OR10X1: variants seen among roughly 807,000 people sequenced by gnomAD.
The protein encoded by OR10X1 is olfactory receptor 10X1.
For synonymous variants in OR10X1, 179 were observed against 142.6 expected (o/e 1.26, Z -1.82); for missense variants, 449 against 387.0 (o/e 1.16, Z -1.34).
Position 158,578,920 on chromosome 1 carries a change from T to C in OR10X1, c.980A>G (p.Ter327=). Residue 327 remains the stop codon, a stop_retained_variant, in exon 1 of 1, where the codon TAA becomes TGA. Coordinates refer to ENST00000623167, the MANE Select transcript of OR10X1 (RefSeq NM_001004477.1). Reference sequence around the variant, plus strand: ...CAAACAAGCAGCAACAACCCAAGATTATTTTTTCAAGGCAACTGTGTTTCC... The same window carrying C: ...CAAACAAGCAGCAACAACCCAAGATCATTTTTTCAAGGCAACTGTGTTTCC... ...MMGNTVALKK[*] The C allele has an allele frequency of 1.3e-6, 2 of 1,576,528 alleles. No homozygotes were observed. Among genetic ancestry groups the C allele is most frequent in the Non-Finnish European group, 1.7e-6 (2 of 1,164,904 alleles).
chr1:158,578,945 C>T lies in OR10X1; in HGVS notation c.955G>A (p.Gly319Arg). Reference protein sequence around the residue: ...DMKNAFRRMMGNTVALKK With the variant: ...DMKNAFRRMMRNTVALKK The stretch of plus-strand genomic sequence containing the variant: ...TATTTTTTCAAGGCAACTGTGTTTC[C>T]CATCATTCTTCTAAAAGCATTTTTC... The change falls in exon 1 of 1, where the codon GGA (glycine) becomes AGA (arginine). Residue 319 changes from glycine (G) to arginine (R), a missense_variant. By Grantham distance (125) the Gly-to-Arg change is moderately radical (BLOSUM62 -2). Coordinates refer to ENST00000623167, the MANE Select transcript of OR10X1 (RefSeq NM_001004477.1). The T allele has an allele frequency of 6.3e-7, 1 of 1,596,258 alleles. No individual in the cohort carries two copies. The highest frequency in any genetic ancestry group is 8.5e-7 in the Non-Finnish European group (1 of 1,173,958).
chr1:158,578,921 A>G lies in OR10X1; in HGVS notation c.979T>C (p.Ter327GlnextTer?), dbSNP rs1238930133. Reference protein sequence around the residue: ...MMGNTVALKK* With the variant: ...MMGNTVALKKQ ...AAACAAGCAGCAACAACCCAAGATT[A>G]TTTTTTCAAGGCAACTGTGTTTCCC... The change falls in exon 1 of 1, where the codon TAA becomes CAA. Residue 327 changes from the stop codon to glutamine, a stop_lost. Coordinates refer to ENST00000623167, the MANE Select transcript of OR10X1 (RefSeq NM_001004477.1). 2 of 1,576,554 alleles carry G rather than the reference A, an allele frequency of 1.3e-6. No individual in the cohort carries two copies. Among genetic ancestry groups the G allele is most frequent in the African/African-American group, 1.4e-5 (1 of 73,170 alleles).
chr1:158,579,775 A>G lies in OR10X1; in HGVS notation c.125T>C (p.Phe42Ser). ...GFSVYPHVQT[F>S]LFVVFFCLYL... ...GAGACAAAAGAAGACCACAAAAAGA[A>G]ATGTCTGTACATGTGGGTACACAGA... The change falls in exon 1 of 1, where the codon TTT becomes TCT. Residue 42 changes from phenylalanine (F) to serine (S), a missense_variant. Phe to Ser is a radical substitution (Grantham distance 155). Coordinates refer to ENST00000623167, the MANE Select transcript of OR10X1 (RefSeq NM_001004477.1). 1.2e-6 allele frequency: 2 copies of G among 1,614,128 alleles called. No homozygotes were observed. The highest frequency in any genetic ancestry group is 1.7e-6 in the Non-Finnish European group (2 of 1,179,990).
chr1:158,579,428 C>G lies in OR10X1; in HGVS notation c.472G>C (p.Gly158Arg). The change falls in exon 1 of 1, where the codon GGA (glycine) becomes CGA (arginine). Residue 158 changes from glycine (G) to arginine (R), a missense_variant. Physicochemically the swap from Gly to Arg is moderately radical, Grantham distance 125. Coordinates refer to ENST00000623167, the MANE Select transcript of OR10X1 (RefSeq NM_001004477.1). ...GTGCAAGCAGAGGCCACAAGTTGTC[C>G]ACATACAATGTTGGTCATAAGCAGT... Reference protein sequence around the residue: ...YPLLMTNIVCGQLVASACTAG... With the variant: ...YPLLMTNIVCRQLVASACTAG... 6.2e-7 allele frequency: 1 copy of G among 1,613,932 alleles called. No individual in the cohort carries two copies.
chr1:158,579,738 G>T lies in OR10X1; in HGVS notation c.162C>A (p.Thr54=). 4 of 1,613,928 alleles carry T rather than the reference G, an allele frequency of 2.5e-6. No individual in the cohort carries two copies. The highest frequency in any genetic ancestry group is 1.1e-5 in the South Asian group (1 of 91,056). The stretch of plus-strand genomic sequence containing the variant: ...CCATGATGATCAGATTACCTGCAAG[G>T]GTGAGAAGGTAGAGACAAAAGAAGA... The part of the protein sequence containing the change: ...FVVFFCLYLL[T]LAGNLIIMGL... Residue 54 remains threonine, a synonymous_variant, in exon 1 of 1, where the codon ACC becomes ACA. Coordinates refer to ENST00000623167, the MANE Select transcript of OR10X1 (RefSeq NM_001004477.1).
chr1:158,579,269 T>G lies in OR10X1; in HGVS notation c.631A>C (p.Thr211Pro). The G allele has an allele frequency of 6.2e-7, 1 of 1,613,816 alleles. No individual in the cohort carries two copies. Among genetic ancestry groups the G allele is most frequent in the Non-Finnish European group, 8.5e-7 (1 of 1,179,962 alleles). Residue 211 changes from threonine to proline, a missense_variant, in exon 1 of 1, where the codon ACA (threonine) becomes CCA (proline). Physicochemically the swap from Thr to Pro is conservative, Grantham distance 38 (BLOSUM62 -1). Transcript: ENST00000623167. The part of the protein sequence containing the change: ...IRLSCIDSNH[T>P]EFIITLISVS... Reference sequence around the variant, plus strand: ...GAGATCAGTGTTATAATGAATTCTGTGTGGTTACTGTCTATACAAGACAGC... The same window carrying G: ...GAGATCAGTGTTATAATGAATTCTGGGTGGTTACTGTCTATACAAGACAGC...
rs1398194545 is a variant in OR10X1 at position 158,579,456 on chromosome 1, A to G, written c.444T>C (p.Tyr148=). The part of the protein sequence containing the change: ...RFLAICNPLR[Y]PLLMTNIVCG... ...ATACAATGTTGGTCATAAGCAGTGG[A>G]TATCTTAGAGGGTTACAGATGGCCA... is the stretch of plus-strand genomic sequence containing the variant. Residue 148 remains tyrosine, a synonymous_variant, in exon 1 of 1, where the codon TAT becomes TAC. Transcript: ENST00000623167. 2 of 1,614,058 alleles carry G rather than the reference A, an allele frequency of 1.2e-6. No homozygotes were observed. The highest frequency in any genetic ancestry group is 1.1e-5 in the South Asian group (1 of 91,078).
Position 158,579,660 on chromosome 1 carries a change from A to C in OR10X1, c.240T>G (p.Ser80Arg), listed in dbSNP as rs771974190. 1 of 1,614,062 alleles carries C rather than the reference A, an allele frequency of 6.2e-7. No homozygotes were observed. The highest frequency in any genetic ancestry group is 2.2e-5 in the East Asian group (1 of 44,852). Residue 80 changes from serine (S) to arginine (R), a missense_variant, in exon 1 of 1, where the codon AGT becomes AGG. Coordinates refer to ENST00000623167, the MANE Select transcript of OR10X1 (RefSeq NM_001004477.1). ...SLHTPMYLFL[S>R]ALSFSETCYT... Reference sequence around the variant, plus strand: ...AGCAGGTCTCAGAGAAGGAGAGTGCACTAAGGAAGAGATACATAGGGGTGT... The same window carrying C: ...AGCAGGTCTCAGAGAAGGAGAGTGCCCTAAGGAAGAGATACATAGGGGTGT...
Position 158,579,099 on chromosome 1 carries a change from G to A in OR10X1, c.801C>T (p.His267=), listed in dbSNP as rs1648412818. 1 of 1,614,048 alleles carries A rather than the reference G, an allele frequency of 6.2e-7. No individual in the cohort carries two copies. The highest frequency in any genetic ancestry group is 8.5e-7 in the Non-Finnish European group (1 of 1,180,022). ...CASHLTVVII[H]FGFASIVYLK... ...AATAAACAATAGATGCAAAACCAAA[G>A]TGGATTATAACCACGGTGAGGTGGG... is the stretch of plus-strand genomic sequence containing the variant. The change falls in exon 1 of 1, where the codon CAC becomes CAT. Residue 267 remains histidine (H), a synonymous_variant. Coordinates refer to ENST00000623167, the MANE Select transcript of OR10X1 (RefSeq NM_001004477.1).
Position 158,579,545 on chromosome 1 carries a change from A to G in OR10X1, c.355T>C (p.Phe119Leu), listed in dbSNP as rs1553218491. Residue 119 changes from phenylalanine to leucine, a missense_variant, in exon 1 of 1, where the codon TTC becomes CTC. By Grantham distance (22) the Phe-to-Leu change is conservative. Transcript: ENST00000623167. ...TTTGTGCCACCAAGTCCCAAGAAGA[A>G]GCACATCTGTAAGCTACAACCTGTG... ...SVTGCSLQMC[F>L]FLGLGGTNCI... 1 of 1,614,110 alleles carries G rather than the reference A, an allele frequency of 6.2e-7. No individual in the cohort carries two copies. Among genetic ancestry groups the G allele is most frequent in the Non-Finnish European group, 8.5e-7 (1 of 1,180,006 alleles).
Position 158,579,703 on chromosome 1 carries a change from CAAG to C in OR10X1, c.194_196del (p.Thr65_Trp66delinsArg). On this transcript the variant is annotated inframe_deletion, in exon 1 of 1. Transcript: ENST00000623167. ...AGGGGTGTGGAGGGACCTGTCCACC[CAAG>C]TTAGACCCATGATGATCAGATTACC... The C allele has an allele frequency of 6.2e-7, 1 of 1,613,826 alleles. No individual in the cohort carries two copies.
At position 158,579,409 on chromosome 1, in the gene OR10X1, G is replaced by C. The variant is rs764783469; in HGVS notation, c.491C>G (p.Ala164Gly). 1.2e-6 allele frequency: 2 copies of C among 1,614,016 alleles called. No homozygotes were observed. Among genetic ancestry groups the C allele is most frequent in the Non-Finnish European group, 1.7e-6 (2 of 1,179,978 alleles). ...NIVCGQLVAS[A>G]CTAGFFISLT... ...AGAGATAAAGAAGCCTGCAGTGCAA[G>C]CAGAGGCCACAAGTTGTCCACATAC... The change falls in exon 1 of 1, where the codon GCT becomes GGT. Residue 164 changes from alanine (A) to glycine (G), a missense_variant. By Grantham distance (60) the Ala-to-Gly change is moderately conservative. Transcript: ENST00000623167.
At position 158,579,130 on chromosome 1, in the gene OR10X1, C is replaced by G. The variant is rs1648413802; in HGVS notation, c.770G>C (p.Cys257Ser). Residue 257 changes from cysteine (C) to serine (S), a missense_variant, in exon 1 of 1, where the codon TGT (cysteine) becomes TCT (serine). Physicochemically the swap from Cys to Ser is moderately radical, Grantham distance 112. Coordinates refer to ENST00000623167, the MANE Select transcript of OR10X1 (RefSeq NM_001004477.1). ...AEGKQKAFTT[C>S]ASHLTVVIIH... ...TATAACCACGGTGAGGTGGGAGGCA[C>G]AGGTGGTGAAGGCCTTCTGCTTGCC... The G allele has an allele frequency of 2.5e-6, 4 of 1,613,716 alleles. No homozygotes were observed. In the Admixed American group the frequency reaches 5.0e-5, roughly 20 times the overall value.
chr1:158,579,034 A>G lies in OR10X1; in HGVS notation c.866T>C (p.Val289Ala), dbSNP rs201832307. The G allele has an allele frequency of 1.4e-5, 22 of 1,614,038 alleles. No individual in the cohort carries two copies. Among genetic ancestry groups the G allele is most frequent in the Non-Finnish European group, 1.7e-5 (20 of 1,180,000 alleles). Residue 289 changes from valine (V) to alanine (A), a missense_variant, in exon 1 of 1, where the codon GTC becomes GCC. Val to Ala is a moderately conservative substitution (Grantham distance 64, BLOSUM62 0). Coordinates refer to ENST00000623167, the MANE Select transcript of OR10X1 (RefSeq NM_001004477.1). ...EASGDDTLIA[V>A]PYTVITPFLS... ...GAAGGGGGTAATGACAGTATAAGGG[A>G]CTGCTATGAGTGTGTCATCTCCTGA... is the stretch of plus-strand genomic sequence containing the variant.
In OR10X1 at chr1:158,579,507, G is replaced by A; in HGVS notation, c.393C>T (p.Leu131=). ...LGLGGTNCII[L]TLMGYDRFLA... ...GGAAGCGGTCATATCCCATCAAAGT[G>A]AGAATGATACAGTTTGTGCCACCAA... Residue 131 remains leucine, a synonymous_variant, in exon 1 of 1, where the codon CTC becomes CTT. Transcript: ENST00000623167. 2 of 1,614,080 alleles carry A rather than the reference G, an allele frequency of 1.2e-6. No individual in the cohort carries two copies. The highest frequency in any genetic ancestry group is 1.7e-6 in the Non-Finnish European group (2 of 1,179,998).
In OR10X1 at chr1:158,579,536, C is replaced by G. The variant is rs1206781071; in HGVS notation, c.364G>C (p.Gly122Arg). The change falls in exon 1 of 1, where the codon GGA becomes CGA. Residue 122 changes from glycine (G) to arginine (R), a missense_variant. By Grantham distance (125) the Gly-to-Arg change is moderately radical. Transcript: ENST00000623167. ...GCSLQMCFFLGLGGTNCIILT... is the reference protein window; with the variant it reads ...GCSLQMCFFLRLGGTNCIILT... Reference sequence around the variant, plus strand: ...ATGATACAGTTTGTGCCACCAAGTCCCAAGAAGAAGCACATCTGTAAGCTA... The same window carrying G: ...ATGATACAGTTTGTGCCACCAAGTCGCAAGAAGAAGCACATCTGTAAGCTA... 6.2e-7 allele frequency: 1 copy of G among 1,613,896 alleles called. No homozygotes were observed. The highest frequency in any genetic ancestry group is 1.3e-5 in the African/African-American group (1 of 74,882).
chr1:158,579,717 G>A lies in OR10X1; in HGVS notation c.183C>T (p.Ile61=), dbSNP rs776458184. The A allele has an allele frequency of 6.2e-7, 1 of 1,613,972 alleles. No individual in the cohort carries two copies. The highest frequency in any genetic ancestry group is 1.3e-5 in the African/African-American group (1 of 75,052). The part of the protein sequence containing the change: ...YLLTLAGNLI[I]MGLTWVDRSL... ...ACCTGTCCACCCAAGTTAGACCCAT[G>A]ATGATCAGATTACCTGCAAGGGTGA... Residue 61 remains isoleucine, a synonymous_variant, in exon 1 of 1, where the codon ATC becomes ATT. Coordinates refer to ENST00000623167, the MANE Select transcript of OR10X1 (RefSeq NM_001004477.1).
rs1177292190 is a variant in OR10X1 at position 158,579,266 on chromosome 1, C to A, written c.634G>T (p.Glu212Ter). 6.8e-6 allele frequency: 11 copies of A among 1,613,848 alleles called. No individual in the cohort carries two copies. In the East Asian group the frequency reaches 1.8e-4, roughly 26 times the overall value. The change falls in exon 1 of 1, where the codon GAA becomes TAA. Residue 212 changes from glutamate to a stop codon, truncating the protein, a stop_gained. Coordinates refer to ENST00000623167, the MANE Select transcript of OR10X1 (RefSeq NM_001004477.1). LOFTEE classifies it low-confidence loss of function (END_TRUNC). The stretch of plus-strand genomic sequence containing the variant: ...ACTGAGATCAGTGTTATAATGAATT[C>A]TGTGTGGTTACTGTCTATACAAGAC... ...RLSCIDSNHT[E>*]FIITLISVSG...
rs202106656 is a variant in OR10X1, at chr1:158,579,662, T to G, written c.238A>C (p.Ser80Arg). 1 of 1,613,902 alleles carries G rather than the reference T, an allele frequency of 6.2e-7. No individual in the cohort carries two copies. Among genetic ancestry groups the G allele is most frequent in the East Asian group, 2.2e-5 (1 of 44,858 alleles). Residue 80 changes from serine to arginine, a missense_variant, in exon 1 of 1, where the codon AGT becomes CGT. Transcript: ENST00000623167. ...SLHTPMYLFL[S>R]ALSFSETCYT... ...CAGGTCTCAGAGAAGGAGAGTGCAC[T>G]AAGGAAGAGATACATAGGGGTGTGG...
Sources: allele counts gnomAD v4.1 joint callset, GRCh38; gene constraint gnomAD v4.1.1; transcripts MANE v1.5; gene names NCBI Gene and HGNC (gene_info 2026-07-23, HGNC 2026-07-21).